Variants in FAM13A observed in about 807,000 individuals in gnomAD.
The protein encoded by FAM13A is family with sequence similarity 13 member A, also known as protein FAM13A.
In FAM13A, 76 loss-of-function variants were observed where a neutral mutation model predicts 129.6. The ratio of observed to expected loss-of-function variants is 0.59; its 90% CI spans 0.49 to 0.71. The LOEUF (loss-of-function observed/expected upper bound fraction) is 0.71, where lower values mean the gene tolerates loss of function less well. FAM13A is among the 30% of genes least tolerant of loss of function. The probability of loss-of-function intolerance (pLI) is 0.00; values close to 1 mark genes in which losing one functional copy is unlikely to be tolerated. For missense variants in FAM13A, 1,108 were observed against 1,249.3 expected (o/e 0.89, Z 1.70); for synonymous variants, 443 against 449.9 (o/e 0.98, Z 0.20).
intron 4 of FAM13A, among the ~76,000 whole-genome samples, chr4:88,952,849 G>A (rs1757155455): frequency 6.6e-6 from 1 of 152,122 alleles, no homozygotes; most frequent in Admixed American, 6.5e-5. Flanking sequence ...TCAGGAGGCT[G>A]AGGAAGGAGA....
intron 1 of FAM13A, among the ~76,000 whole-genome samples, chr4:89,051,858 T>C (rs1447548532): frequency 6.6e-6 from 1 of 152,226 alleles, no homozygotes; most frequent in Non-Finnish European, 1.5e-5. Flanking sequence ...TAATCCTTTT[T>C]GGCTCAATCT....
At chr4:88,961,205 G>T (rs986677945) in intron 4 of FAM13A, among the ~76,000 whole-genome samples, 1 of 151,948 alleles carries the variant, frequency 6.6e-6, no homozygotes, top group Non-Finnish European at 1.5e-5. Context: ...AAATATAGTT[G>T]CAATGAAAGC....
intron 7 of FAM13A, among the ~76,000 whole-genome samples, chr4:88,822,389 C>CA (rs1732164855): frequency 3.3e-5 from 5 of 152,084 alleles, no homozygotes; most frequent in Admixed American, 3.3e-4. Flanking sequence ...CACGAAGGAA[C>CA]AAAAACAGTC....
intron 6 of FAM13A, among the ~76,000 whole-genome samples, chr4:88,858,752 C>T (rs183972208): frequency 6.6e-6 from 1 of 152,164 alleles, no homozygotes; most frequent in African/African-American, 2.4e-5. Flanking sequence ...GAAGTAACTG[C>T]AAATGGGTAT....
At chr4:88,783,836 C>A (rs927382150) in intron 10 of FAM13A, among the ~76,000 whole-genome samples, 5 of 151,982 alleles carry the variant, frequency 3.3e-5, no homozygotes, top group Admixed American at 3.3e-4. Flanking sequence ...TGTGCAGACA[C>A]AGTGAAAAGG....
chr4:88,837,932 C>T (rs530346540), intron 7 of FAM13A, among the ~76,000 whole-genome samples: 3 of 152,032 alleles, frequency 2.0e-5, no homozygotes, highest in Non-Finnish European at 4.4e-5. Context: ...TCTATGGATT[C>T]AACCAACCTA....
At chr4:88,754,462 T>C (rs1171278638) in intron 14 of FAM13A, among the ~76,000 whole-genome samples, 2 of 152,202 alleles carry the variant, frequency 1.3e-5, no homozygotes, top group African/African-American at 2.4e-5. Context: ...ACTGGGATGA[T>C]TGATTTCTCA....
intron 13 of FAM13A, among the ~76,000 whole-genome samples, chr4:88,764,227 T>C (rs1412065719): frequency 6.6e-6 from 1 of 152,146 alleles, no homozygotes; most frequent in African/African-American, 2.4e-5. Context: ...GTCTTGTTTG[T>C]TATCAAAGGT....
At chr4:88,950,390 T>C (rs1037198252) in intron 4 of FAM13A, among the ~76,000 whole-genome samples, 2 of 152,150 alleles carry the variant, frequency 1.3e-5, no homozygotes, top group African/African-American at 2.4e-5. Context: ...ATTTAATTGA[T>C]ATATTTAATT....
intron 6 of FAM13A, among the ~76,000 whole-genome samples, chr4:88,857,628 CAAA>C (rs1177788248): frequency 1.9e-4 from 11 of 58,562 alleles, no homozygotes; most frequent in Middle Eastern, 0.01. Flanking sequence ...GATTCTGCCT[CAAA>C]AAAAAAAAAA....
chr4:88,889,131 C>A (rs1470933920), intron 6 of FAM13A, among the ~76,000 whole-genome samples: 1 of 152,068 alleles, frequency 6.6e-6, no homozygotes, highest in Admixed American at 6.6e-5. Flanking sequence ...GAATTTAGGT[C>A]TAATCAGGGA....
At chr4:88,876,459 A>G (rs780685536) in intron 6 of FAM13A, among the ~76,000 whole-genome samples, 2 of 152,166 alleles carry the variant, frequency 1.3e-5, no homozygotes, top group Non-Finnish European at 2.9e-5. Flanking sequence ...ACTCTGCCCA[A>G]TATCAGACTA....
intron 7 of FAM13A, among the ~76,000 whole-genome samples, chr4:88,821,013 G>A (rs1320377358): frequency 6.6e-6 from 1 of 152,110 alleles, no homozygotes; most frequent in Non-Finnish European, 1.5e-5. Flanking sequence ...GAACCTTCCT[G>A]CTTCAGGCCC....
At chr4:89,044,959 T>C (rs544218518) in intron 1 of FAM13A, among the ~76,000 whole-genome samples, 1 of 151,988 alleles carries the variant, frequency 6.6e-6, no homozygotes, top group East Asian at 1.9e-4. Context: ...GGTTATAAAG[T>C]TTATGTTGGA....
chr4:88,956,624 C>T (rs1458314930), intron 4 of FAM13A, among the ~76,000 whole-genome samples: 1 of 152,158 alleles, frequency 6.6e-6, no homozygotes, highest in African/African-American at 2.4e-5. Context: ...AAACAACACA[C>T]ATTTATTATC....
In FAM13A at chr4:88,864,826, T is replaced by G. The variant is rs577138983; in HGVS notation, c.844-13643A>C. Among the ~76,000 whole-genome samples the G allele has an allele frequency of 2.0e-5, 3 of 152,352 alleles. 1 individual carries two copies. In the South Asian group the frequency reaches 6.2e-4, roughly 32 times the overall value. On this transcript the variant is annotated intron_variant, in intron 6 of 23. Coordinates refer to ENST00000264344, the MANE Select transcript of FAM13A (RefSeq NM_014883.4). ...AACAAAATGTCCCTTTCTCTGTCAT[T>G]CGTAAGTGTAAGTAGTTAAATGGAA...
chr4:88,916,887 G>T (rs1750210788), intron 5 of FAM13A, among the ~76,000 whole-genome samples: 1 of 151,418 alleles, frequency 6.6e-6, no homozygotes, highest in Admixed American at 6.6e-5. Context: ...ATTGTTTATT[G>T]TCTGTGCCAC....
At chr4:88,964,649 T>C (rs1298769681) in intron 4 of FAM13A, among the ~76,000 whole-genome samples, 3 of 151,268 alleles carry the variant, frequency 2.0e-5, no homozygotes, top group Non-Finnish European at 4.4e-5. Context: ...TTTTTTTTTT[T>C]TGGAGTCTCA....
intron 3 of FAM13A, among the ~76,000 whole-genome samples, chr4:89,013,734 A>G (rs1166440851): frequency 6.6e-6 from 1 of 152,226 alleles, no homozygotes; most frequent in East Asian, 1.9e-4. Context: ...ATAATACTTG[A>G]TAACAATAAT....
Sources: allele counts gnomAD v4.1 joint callset (sites outside exome capture counted in the v4.1 genomes callset), GRCh38; gene constraint gnomAD v4.1.1; transcripts MANE v1.5; gene names NCBI Gene and HGNC (gene_info 2026-07-23, HGNC 2026-07-21).